LUZP2: variants seen among roughly 807,000 people sequenced by gnomAD.
LUZP2 encodes leucine zipper protein 2.
LUZP2 carries 52 observed loss-of-function variants against 51.6 expected under a neutral mutation model. That is an observed-to-expected ratio of 1.01 (90% CI 0.81 to 1.27). The LOEUF (loss-of-function observed/expected upper bound fraction) is 1.27, where lower values mean the gene tolerates loss of function less well. LUZP2 is among the 50% of genes most tolerant of loss of function. The pLI is 0.00. For missense variants in LUZP2, 436 were observed against 395.4 expected (o/e 1.10, Z -0.87); for synonymous variants, 154 against 137.3 (o/e 1.12, Z -0.85).
At chr11:25,007,880 C>T (rs1266466119) in intron 9 of LUZP2, among the ~76,000 whole-genome samples, 1 of 152,156 alleles carries the variant, frequency 6.6e-6, no homozygotes, top group Non-Finnish European at 1.5e-5. Context: ...TTAGTACTAA[C>T]ATTGGTCAGA....
In LUZP2 at chr11:25,044,756, G is replaced by A. The variant is rs113245070; in HGVS notation, c.766-5282G>A. Among the ~76,000 whole-genome samples the A allele has an allele frequency of 1.4e-4, 21 of 151,780 alleles. No homozygotes were observed. In the East Asian group the frequency reaches 2.5e-3, roughly 18 times the overall value. On this transcript the variant is annotated intron_variant, in intron 9 of 11. Transcript: ENST00000336930. Reference sequence around the variant, plus strand: ...AACATGCTGCTGTAAAGACACATGCGCACGTATGTTTATTGCGGCACTATT... The same window carrying A: ...AACATGCTGCTGTAAAGACACATGCACACGTATGTTTATTGCGGCACTATT...
intron 10 of LUZP2, among the ~76,000 whole-genome samples, chr11:25,065,465 G>T (rs1259664643): frequency 6.6e-6 from 1 of 151,874 alleles, no homozygotes; most frequent in Admixed American, 6.6e-5. Context: ...GAAAAAACTT[G>T]TTCCTCATTT....
chr11:24,699,363 T>A (rs531743706), intron 1 of LUZP2, among the ~76,000 whole-genome samples: 1 of 152,264 alleles, frequency 6.6e-6, no homozygotes, highest in Admixed American at 6.5e-5. Flanking sequence ...CCCTGCATAG[T>A]TTTTTTCATA....
At chr11:24,716,852 C>T (rs1022682278) in intron 1 of LUZP2, among the ~76,000 whole-genome samples, 7 of 152,126 alleles carry the variant, frequency 4.6e-5, no homozygotes, top group East Asian at 3.9e-4. Flanking sequence ...GCCGACATTG[C>T]GCCACTGCAC....
At chr11:24,939,119 G>A (rs2133846484) in intron 7 of LUZP2, among the ~76,000 whole-genome samples, 1 of 152,054 alleles carries the variant, frequency 6.6e-6, no homozygotes, top group African/African-American at 2.4e-5. Flanking sequence ...GTGGTAGGAA[G>A]AACCAGCATT....
At chr11:25,014,391 C>G (rs1334480291) in intron 9 of LUZP2, among the ~76,000 whole-genome samples, 1 of 152,170 alleles carries the variant, frequency 6.6e-6, no homozygotes, top group Admixed American at 6.6e-5. Flanking sequence ...TCCTATTTCT[C>G]CACATCCTCT....
At chr11:24,865,146 G>A (rs1297119931) in intron 5 of LUZP2, among the ~76,000 whole-genome samples, 1 of 152,204 alleles carries the variant, frequency 6.6e-6, no homozygotes, top group Non-Finnish European at 1.5e-5. Flanking sequence ...GTCAGAACAA[G>A]TTGAGTTTGA....
chr11:24,522,233 C>T (rs1410899797), intron 1 of LUZP2, among the ~76,000 whole-genome samples: 1 of 152,020 alleles, frequency 6.6e-6, no homozygotes, highest in Admixed American at 6.6e-5. Flanking sequence ...TATTTAGCAC[C>T]TTGTGTCAGA....
chr11:24,683,540 TA>T (rs1856810549), intron 1 of LUZP2, among the ~76,000 whole-genome samples: 1 of 152,250 alleles, frequency 6.6e-6, no homozygotes, highest in Non-Finnish European at 1.5e-5. Context: ...TTGCATAATT[TA>T]TTTTTCTTCT....
intron 5 of LUZP2, among the ~76,000 whole-genome samples, chr11:24,877,349 C>G (rs867823682): frequency 6.6e-6 from 1 of 152,032 alleles, no homozygotes; most frequent in Non-Finnish European, 1.5e-5. Flanking sequence ...ATAGATCTTA[C>G]TATATGCTAA....
At chr11:24,947,300 C>T (rs1854926373) in intron 7 of LUZP2, among the ~76,000 whole-genome samples, 3 of 151,854 alleles carry the variant, frequency 2.0e-5, no homozygotes, top group Non-Finnish European at 4.4e-5. Flanking sequence ...GTCCTCTTCA[C>T]ACTGAATACT....
At chr11:24,604,056 A>G (rs1046508355) in intron 1 of LUZP2, among the ~76,000 whole-genome samples, 6 of 151,830 alleles carry the variant, frequency 4.0e-5, no homozygotes, top group Admixed American at 6.6e-5. Flanking sequence ...GTAATTTACA[A>G]TGCAATAATT....
At chr11:24,894,276 G>A (rs1311040573) in intron 5 of LUZP2, among the ~76,000 whole-genome samples, 1 of 149,958 alleles carries the variant, frequency 6.7e-6, no homozygotes, top group African/African-American at 2.5e-5. Flanking sequence ...CCGGGTTCAA[G>A]CAATTCTCCT....
At chr11:24,927,752 A>AT (rs1422558877) in intron 7 of LUZP2, among the ~76,000 whole-genome samples, 3 of 151,310 alleles carry the variant, frequency 2.0e-5, no homozygotes, top group Admixed American at 6.6e-5. Context: ...AATTTTAGAA[A>AT]TTTTTTTCTA....
intron 7 of LUZP2, among the ~76,000 whole-genome samples, chr11:24,922,872 G>T (rs1854108692): frequency 9.0e-6 from 1 of 111,674 alleles, no homozygotes; most frequent in Non-Finnish European, 1.7e-5. Context: ...TTTTTTAGAG[G>T]GAGTCTCGCT....
Position 24,552,464 on chromosome 11 carries a change from G to C in LUZP2, c.62+55159G>C, listed in dbSNP as rs140336666. Among the ~76,000 whole-genome samples the C allele has an allele frequency of 4.4e-4, 67 of 151,976 alleles. 1 individual carries two copies. In the East Asian group the frequency reaches 0.012, roughly 27 times the overall value. ...GTTTTATATAGTTTTAGAAGATAAA[G>C]TCAAAGCTATAAATAAACAATATTA... On this transcript the variant is annotated intron_variant, in intron 1 of 11. Transcript: ENST00000336930.
chr11:24,664,417 C>G (rs768933658), intron 1 of LUZP2, among the ~76,000 whole-genome samples: 2 of 152,070 alleles, frequency 1.3e-5, no homozygotes, highest in African/African-American at 4.8e-5. Context: ...AACAAAAACC[C>G]ATTTTCTGGG....
rs185319673 is a variant in LUZP2 at position 24,974,171 on chromosome 11, C to G, written c.523-2420C>G. On this transcript the variant is annotated intron_variant, in intron 7 of 11. Coordinates refer to ENST00000336930, the MANE Select transcript of LUZP2 (RefSeq NM_001009909.4). The stretch of plus-strand genomic sequence containing the variant: ...GTTAGCTCTTCTTGTGGAATTGAAA[C>G]TTTTACCATTATGTAATGCCCTTCT... Among the ~76,000 whole-genome samples the G allele has an allele frequency of 3.1e-4, 47 of 152,154 alleles. No homozygotes were observed. In the East Asian group the frequency reaches 6.4e-3, roughly 21 times the overall value.
intron 1 of LUZP2, among the ~76,000 whole-genome samples, chr11:24,672,946 C>A (rs974040021): frequency 6.6e-6 from 1 of 152,258 alleles, no homozygotes; most frequent in South Asian, 2.1e-4. Context: ...TCAAATCAGC[C>A]GTGGCATTAG....
Sources: gnomAD v4.1 joint callset for allele counts (sites outside exome capture counted in the v4.1 genomes callset) on GRCh38, gnomAD v4.1.1 for gene constraint, MANE v1.5 for transcripts, NCBI Gene and HGNC (gene_info 2026-07-23, HGNC 2026-07-21) for gene names.